The following KIRREL3 variants were observed in gnomAD, a reference collection of about 807,000 sequenced individuals.
The protein encoded by KIRREL3 is kin of IRRE-like protein 3.
A neutral mutation model predicts 89.7 loss-of-function variants in KIRREL3; 36 were observed. The ratio of observed to expected loss-of-function variants is 0.40; its 90% CI spans 0.31 to 0.53. The LOEUF (loss-of-function observed/expected upper bound fraction) is 0.53. KIRREL3 is among the 20% of genes least tolerant of loss of function. KIRREL3 has a pLI of 0.49. For missense variants in KIRREL3, 864 were observed against 1,056.6 expected, an observed-to-expected ratio of 0.82 and a Z score of 2.53; for synonymous variants, 445 against 441.4, an observed-to-expected ratio of 1.01 and a Z score of -0.10.
intron 1 of KIRREL3, among the ~76,000 whole-genome samples, chr11:126,753,891 T>C (rs191963249): frequency 6.6e-6 from 1 of 152,202 alleles, no homozygotes; most frequent in Non-Finnish European, 1.5e-5. Flanking sequence ...TAGTCTTAAC[T>C]ATAATGGTCT....
chr11:126,577,382 A>T (rs2134650545), intron 1 of KIRREL3, among the ~76,000 whole-genome samples: 1 of 152,120 alleles, frequency 6.6e-6, no homozygotes, highest in African/African-American at 2.4e-5. Flanking sequence ...GGTCCAGGGC[A>T]TCTGTTGGAC....
intron 1 of KIRREL3, among the ~76,000 whole-genome samples, chr11:126,929,076 C>T (rs533585893): frequency 1.3e-5 from 2 of 152,154 alleles, no homozygotes; most frequent in African/African-American, 2.4e-5. Context: ...TCAAGGACGT[C>T]GGCAGGGAGC....
chr11:126,963,559 C>T (rs1431570062), intron 1 of KIRREL3, among the ~76,000 whole-genome samples: 1 of 152,166 alleles, frequency 6.6e-6, no homozygotes, highest in Non-Finnish European at 1.5e-5. Flanking sequence ...CCATCCTCTC[C>T]ACTTGAATCT....
intron 1 of KIRREL3, among the ~76,000 whole-genome samples, chr11:126,889,698 C>G (rs1417707418): frequency 1.3e-5 from 2 of 152,190 alleles, no homozygotes; most frequent in East Asian, 3.8e-4. Flanking sequence ...ATTGAGACGA[C>G]AGCTTCTTTG....
rs1945665422 is a variant in KIRREL3, at chr11:126,885,587, T to C, written c.55+114868A>G. ...CTCATCATCGTTATCATCATCAAAGTTATTCTCTGAGAAATAACTGAGAAA... is the reference window on the plus strand; with the variant it reads ...CTCATCATCGTTATCATCATCAAAGCTATTCTCTGAGAAATAACTGAGAAA... On this transcript the variant is annotated intron_variant, in intron 1 of 16. Coordinates refer to ENST00000525144, the MANE Select transcript of KIRREL3 (RefSeq NM_032531.4). Among the ~76,000 whole-genome samples, 3 of 152,314 alleles carry C rather than the reference T, an allele frequency of 2.0e-5. No individual in the cohort carries two copies. In the South Asian group the frequency reaches 6.2e-4, roughly 32 times the overall value.
chr11:126,627,652 C>T lies in KIRREL3; in HGVS notation c.56-64740G>A, dbSNP rs1943848258. The stretch of plus-strand genomic sequence containing the variant: ...TTGGCTTTAGTAAATATGCCTCAAG[C>T]AGCTGTCACTGGGACCCTGCGTGGG... On this transcript the variant is annotated intron_variant, in intron 1 of 16. Coordinates refer to ENST00000525144, the MANE Select transcript of KIRREL3 (RefSeq NM_032531.4). This position sits in a 1 kb window ranked among gnomAD's most constrained non-coding sequence, Gnocchi z 5.0. Among the ~76,000 whole-genome samples, 1 of 152,230 alleles carries T rather than the reference C, an allele frequency of 6.6e-6. No individual in the cohort carries two copies. The highest frequency in any genetic ancestry group is 2.1e-4 in the South Asian group (1 of 4,832).
chr11:126,734,214 C>A lies in KIRREL3; in HGVS notation c.56-171302G>T, dbSNP rs1413646106. Among the ~76,000 whole-genome samples, 1 of 152,166 alleles carries A rather than the reference C, an allele frequency of 6.6e-6. No homozygotes were observed. The highest frequency in any genetic ancestry group is 2.4e-5 in the African/African-American group (1 of 41,428). ...TAGGCATTTCACGGCTGTTCTCTCC[C>A]AAGTCCCATGCTTTCATCAGAAAAA... On this transcript the variant is annotated intron_variant, in intron 1 of 16. Coordinates refer to ENST00000525144, the MANE Select transcript of KIRREL3 (RefSeq NM_032531.4). The surrounding 1 kb of genome is among the most constrained non-coding windows in gnomAD (Gnocchi z 5.9).
intron 4 of KIRREL3, among the ~76,000 whole-genome samples, chr11:126,488,442 A>G (rs1957423775): frequency 6.6e-6 from 1 of 152,250 alleles, no homozygotes; most frequent in African/African-American, 2.4e-5. Context: ...TTAAAGGAGA[A>G]GATGTAGTAG....
At chr11:126,509,991 C>CAAAAAAAAAAA (rs58061522) in intron 4 of KIRREL3, among the ~76,000 whole-genome samples, 48 of 62,048 alleles carry the variant, frequency 7.7e-4, no homozygotes, top group African/African-American at 1.5e-3. Context: ...GACTCCGTCT[C>CAAAAAAAAAAA]AAAAAAAAAA....
chr11:126,682,891 T>C lies in KIRREL3; in HGVS notation c.56-119979A>G, dbSNP rs1175952079. Among the ~76,000 whole-genome samples, 3 of 152,168 alleles carry C rather than the reference T, an allele frequency of 2.0e-5. No homozygotes were observed. Among genetic ancestry groups the C allele is most frequent in the African/African-American group, 7.2e-5 (3 of 41,428 alleles). ...GCTGGGGATCCCTGTTCTATGAGGA[T>C]AGAAAATCTGGTAAAGTAATTCACC... On this transcript the variant is annotated intron_variant, in intron 1 of 16. Transcript: ENST00000525144. The surrounding 1 kb of genome is among the most constrained non-coding windows in gnomAD (Gnocchi z 4.8).
chr11:126,935,053 T>TAA (rs35155401), intron 1 of KIRREL3: 17,257 of 135,080 alleles, frequency 0.13, 1,371 homozygotes, highest in East Asian at 0.25. Flanking sequence ...GACTCCGTCT[T>TAA]AAAAAAAAAA....
rs2134396967 is a variant in KIRREL3, at chr11:126,802,232, T to C, written c.55+198223A>G. 6.6e-6 allele frequency among the ~76,000 whole-genome samples: 1 copy of C among 152,070 alleles called. No individual in the cohort carries two copies. The highest frequency in any genetic ancestry group is 1.9e-4 in the East Asian group (1 of 5,130). ...TTGGCCCTACCTCACCTGGAGAAGTTAACCAAAGAGGAGTAAGAGATCCTC... is the reference window on the plus strand; with the variant it reads ...TTGGCCCTACCTCACCTGGAGAAGTCAACCAAAGAGGAGTAAGAGATCCTC... On this transcript the variant is annotated intron_variant, in intron 1 of 16. Transcript: ENST00000525144. The surrounding 1 kb of genome is among the most constrained non-coding windows in gnomAD (Gnocchi z 5.2).
Position 126,709,365 on chromosome 11 carries a change from C to T in KIRREL3, c.56-146453G>A, listed in dbSNP as rs1274102876. ...GGGAGTAGGGGTGGAGGGGCAGCACCCCCGGGCAGAAGATGCAGCCAAACA... is the reference window on the plus strand; with the variant it reads ...GGGAGTAGGGGTGGAGGGGCAGCACTCCCGGGCAGAAGATGCAGCCAAACA... On this transcript the variant is annotated intron_variant, in intron 1 of 16. Transcript: ENST00000525144. The surrounding 1 kb of genome is among the most constrained non-coding windows in gnomAD (Gnocchi z 4.0). Among the ~76,000 whole-genome samples the T allele has an allele frequency of 6.6e-6, 1 of 152,050 alleles. No individual in the cohort carries two copies. The highest frequency in any genetic ancestry group is 1.5e-5 in the Non-Finnish European group (1 of 68,014).
chr11:126,556,427 G>A (rs1389704318), intron 2 of KIRREL3, among the ~76,000 whole-genome samples: 3 of 152,162 alleles, frequency 2.0e-5, no homozygotes, highest in Non-Finnish European at 4.4e-5. Context: ...GATTGCTTGA[G>A]GCCAGGGGTT....
chr11:126,756,551 C>A (rs1202651166), intron 1 of KIRREL3, among the ~76,000 whole-genome samples: 1 of 152,134 alleles, frequency 6.6e-6, no homozygotes, highest in Non-Finnish European at 1.5e-5. Flanking sequence ...TTGGTCTAGG[C>A]CCCTGGAATG....
At chr11:126,593,480 C>A (rs1174860112) in intron 1 of KIRREL3, among the ~76,000 whole-genome samples, 1 of 152,154 alleles carries the variant, frequency 6.6e-6, no homozygotes, top group East Asian at 1.9e-4. Context: ...AGTAGGCAGG[C>A]CAGTACCTCC....
At position 126,976,572 on chromosome 11, in the gene KIRREL3, T is replaced by C. The variant is rs1468486290; in HGVS notation, c.55+23883A>G. ...ACCCAGAATGGTACCAGGATCATAT[T>C]TTCAAACGGTTTCAGTGTTCTGGGA... On this transcript the variant is annotated intron_variant, in intron 1 of 16. Transcript: ENST00000525144. This position sits in a 1 kb window ranked among gnomAD's most constrained non-coding sequence, Gnocchi z 4.2. 6.6e-6 allele frequency among the ~76,000 whole-genome samples: 1 copy of C among 152,216 alleles called. No homozygotes were observed. Among genetic ancestry groups the C allele is most frequent in the Non-Finnish European group, 1.5e-5 (1 of 68,036 alleles).
At chr11:126,665,734 C>A (rs1181511369) in intron 1 of KIRREL3, among the ~76,000 whole-genome samples, 1 of 152,206 alleles carries the variant, frequency 6.6e-6, no homozygotes, top group Non-Finnish European at 1.5e-5. Flanking sequence ...GTTACTGCAG[C>A]CCAAATGGAC....
At position 126,618,133 on chromosome 11, in the gene KIRREL3, T is replaced by C. The variant is rs1276310192; in HGVS notation, c.56-55221A>G. ...TGTGTAGCACCTCCCCACTCCCCTCTCCTCCTGCTCTGGCCATGTGAGACA... is the reference window on the plus strand; with the variant it reads ...TGTGTAGCACCTCCCCACTCCCCTCCCCTCCTGCTCTGGCCATGTGAGACA... On this transcript the variant is annotated intron_variant, in intron 1 of 16. Transcript: ENST00000525144. 2.6e-5 allele frequency among the ~76,000 whole-genome samples: 4 copies of C among 152,326 alleles called. 1 individual carries two copies. In the South Asian group the frequency reaches 6.2e-4, roughly 24 times the overall value.
Sources: gnomAD v4.1 joint callset for allele counts (sites outside exome capture counted in the v4.1 genomes callset) on GRCh38, gnomAD v4.1.1 for gene constraint, Gnocchi (gnomAD v3.1) non-coding constraint, MANE v1.5 for transcripts, NCBI Gene and HGNC (gene_info 2026-07-23, HGNC 2026-07-21) for gene names.